Variants in GRIK2 observed in about 807,000 individuals in gnomAD.
The protein encoded by GRIK2 is glutamate receptor ionotropic, kainate 2.
GRIK2 carries 32 observed loss-of-function variants against 100.3 expected under a neutral mutation model. The observed-to-expected ratio is 0.32, with a 90% CI of 0.24 to 0.43. The LOEUF is 0.43. Ranked by LOEUF, GRIK2 falls within the 20% of genes least tolerant of loss-of-function variation. GRIK2 has a pLI of 1.00. For missense variants in GRIK2, 843 were observed against 1,114.9 expected (o/e 0.76, Z 3.47); for synonymous variants, 417 against 389.4 (o/e 1.07, Z -0.83).
chr6:101,996,838 C>A (rs943848800), intron 14 of GRIK2, among the ~76,000 whole-genome samples: 1 of 152,068 alleles, frequency 6.6e-6, no homozygotes, highest in African/African-American at 2.4e-5. Flanking sequence ...GTTTCCTCCA[C>A]CATTGGCCAA....
chr6:102,047,252 A>T (rs1562137290), intron 15 of GRIK2, among the ~76,000 whole-genome samples: 1 of 152,086 alleles, frequency 6.6e-6, no homozygotes, highest in Non-Finnish European at 1.5e-5. Flanking sequence ...CATAGGAAAA[A>T]AACCCAATAG....
Position 102,029,407 on chromosome 6 carries a change from A to G in GRIK2, c.2086-5934A>G, listed in dbSNP as rs561159486. 3.3e-3 allele frequency among the ~76,000 whole-genome samples: 497 copies of G among 151,356 alleles called. 2 individuals are homozygous for G. Among genetic ancestry groups the G allele is most frequent in the Non-Finnish European group, 5.8e-3 (390 of 67,468 alleles). On this transcript the variant is annotated intron_variant, in intron 14 of 16. Transcript: ENST00000369134. ...CTTTCTTCTATGTCAATTTGCATAC[A>G]ACTTTCATATTCAACATAGAAATAT... is the stretch of plus-strand genomic sequence containing the variant.
At chr6:101,668,206 C>G (rs567683737) in intron 4 of GRIK2, among the ~76,000 whole-genome samples, 11 of 152,072 alleles carry the variant, frequency 7.2e-5, no homozygotes, top group Non-Finnish European at 5.9e-5. Context: ...CTTTCATTTC[C>G]TTTTCTCTTC....
intron 2 of GRIK2, among the ~76,000 whole-genome samples, chr6:101,518,655 G>A (rs1258432109): frequency 6.6e-6 from 1 of 152,130 alleles, no homozygotes; most frequent in Admixed American, 6.6e-5. Flanking sequence ...AGCCAAATGT[G>A]TTTGAGAAAC....
At position 101,526,768 on chromosome 6, in the gene GRIK2, C is replaced by G. The variant is rs74806147; in HGVS notation, c.116-95181C>G. ...ACACAGGTTGTAGCATAAACTGATA[C>G]AAAGAAGTAAGTGGAATCACCCCCT... is the stretch of plus-strand genomic sequence containing the variant. On this transcript the variant is annotated intron_variant, in intron 2 of 16. Coordinates refer to ENST00000369134, the MANE Select transcript of GRIK2 (RefSeq NM_021956.5). Among the ~76,000 whole-genome samples the G allele has an allele frequency of 3.4e-3, 511 of 152,274 alleles. 3 individuals are homozygous for G. Among genetic ancestry groups the G allele is most frequent in the Non-Finnish European group, 6.4e-3 (435 of 68,012 alleles).
At chr6:102,011,653 G>A (rs1327348406) in intron 14 of GRIK2, among the ~76,000 whole-genome samples, 1 of 130,738 alleles carries the variant, frequency 7.6e-6, no homozygotes, top group Non-Finnish European at 1.5e-5. Context: ...GCGCGATCTC[G>A]GCTCACTGTA....
chr6:101,870,464 G>A (rs2153445), intron 11 of GRIK2, among the ~76,000 whole-genome samples: 106,704 of 151,582 alleles, frequency 0.7, 39,282 homozygotes, highest in East Asian at 0.92. Flanking sequence ...TACATGTTTT[G>A]TTTCCTCTGT....
chr6:101,519,300 CGTGTGTGTGTGTGT>C (rs55646921), intron 2 of GRIK2, among the ~76,000 whole-genome samples: 2,098 of 141,054 alleles, frequency 0.015, 46 homozygotes, highest in African/African-American at 0.049. Flanking sequence ...CGGAGTTAAA[CGTGTGTGTGTGTGT>C]GTGTGTGTGT....
Position 101,682,099 on chromosome 6 carries a change from T to C in GRIK2, c.724-454T>C, listed in dbSNP as rs145700056. ...TAATTTACATTTCCTTCATTAATGCTATGGAAATGTCTCTAAAGAGCTAAA... is the reference window on the plus strand; with the variant it reads ...TAATTTACATTTCCTTCATTAATGCCATGGAAATGTCTCTAAAGAGCTAAA... On this transcript the variant is annotated intron_variant, in intron 5 of 16. Coordinates refer to ENST00000369134, the MANE Select transcript of GRIK2 (RefSeq NM_021956.5). Among the ~76,000 whole-genome samples, 651 of 152,352 alleles carry C rather than the reference T, an allele frequency of 4.3e-3. 5 individuals carry two copies. Among genetic ancestry groups the C allele is most frequent in the Middle Eastern group, 0.01 (3 of 294 alleles).
At chr6:101,858,532 G>A (rs942830653) in intron 10 of GRIK2, among the ~76,000 whole-genome samples, 20 of 149,926 alleles carry the variant, frequency 1.3e-4, no homozygotes, top group African/African-American at 4.4e-4. Flanking sequence ...GACTACAGGC[G>A]CCCGCCACTA....
chr6:101,687,489 A>G (rs879493457), intron 7 of GRIK2, among the ~76,000 whole-genome samples: 1 of 151,918 alleles, frequency 6.6e-6, no homozygotes, highest in Non-Finnish European at 1.5e-5. Flanking sequence ...TTATGCTTGT[A>G]ATTTTTCCAT....
chr6:101,856,231 G>T (rs893928532), intron 10 of GRIK2, among the ~76,000 whole-genome samples: 2 of 152,130 alleles, frequency 1.3e-5, no homozygotes, highest in Admixed American at 1.3e-4. Flanking sequence ...AAAAGAAAGG[G>T]AAGCAAAGAT....
chr6:101,994,777 A>T (rs1414304127), intron 14 of GRIK2, among the ~76,000 whole-genome samples: 1 of 151,820 alleles, frequency 6.6e-6, no homozygotes, highest in African/African-American at 2.4e-5. Flanking sequence ...TAGCATCTTG[A>T]ATTGATAATT....
intron 12 of GRIK2, among the ~76,000 whole-genome samples, chr6:101,896,946 A>C (rs1311653668): frequency 6.6e-6 from 1 of 151,598 alleles, no homozygotes; most frequent in East Asian, 1.9e-4. Context: ...GCTACCAAAA[A>C]ATGGCACCTC....
rs1780724879 is a variant in GRIK2, at chr6:101,802,316, T to A, written c.1096-15T>A. The stretch of plus-strand genomic sequence containing the variant: ...TCTTCACTTATTTATTATCAATGTT[T>A]TTCTATTCCCATAGGCACATTGGGA... On this transcript the variant is annotated splice_polypyrimidine_tract_variant and intron_variant, in intron 8 of 16. Coordinates refer to ENST00000369134, the MANE Select transcript of GRIK2 (RefSeq NM_021956.5). The A allele has an allele frequency of 8.7e-7, 1 of 1,148,430 alleles. No homozygotes were observed. Among genetic ancestry groups the A allele is most frequent in the African/African-American group, 1.6e-5 (1 of 63,958 alleles). The allele number at this position is 1,148,430 out of a possible 1,614,324, so 71.1% of individuals were successfully genotyped here.
intron 2 of GRIK2, 37 bp from the exon 3 acceptor site, chr6:101,621,912 T>C (rs1009933991): frequency 7.0e-7 from 1 of 1,433,382 alleles, no homozygotes; most frequent in Middle Eastern, 1.8e-4. Flanking sequence ...ATGTTTATTC[T>C]TGTAAAATTT....
At chr6:102,064,156 C>A in intron 16 of GRIK2, 1 of 624,532 alleles carries the variant, frequency 1.6e-6, no homozygotes, top group Non-Finnish European at 2.9e-6. Context: ...TATTTAATGA[C>A]ACAGTGCGTG....
chr6:101,568,106 C>T (rs1777367956), intron 2 of GRIK2, among the ~76,000 whole-genome samples: 1 of 151,746 alleles, frequency 6.6e-6, no homozygotes, highest in Non-Finnish European at 1.5e-5. Context: ...AAAAGAAGTA[C>T]TTTTGTGTTT....
At position 101,547,753 on chromosome 6, in the gene GRIK2, TC is replaced by T. The variant is rs1355284410; in HGVS notation, c.116-74195del. Among the ~76,000 whole-genome samples the T allele has an allele frequency of 2.6e-4, 40 of 151,968 alleles. 1 individual carries two copies. In the South Asian group the frequency reaches 5.8e-3, roughly 22 times the overall value. On this transcript the variant is annotated intron_variant, in intron 2 of 16. Coordinates refer to ENST00000369134, the MANE Select transcript of GRIK2 (RefSeq NM_021956.5). ...ATTTGGGTTGGTTCCAAGTCTTTGC[TC>T]TTGTGAATAGTGCCGCAATAAACAT... is the stretch of plus-strand genomic sequence containing the variant.
Sources: allele counts gnomAD v4.1 joint callset (sites outside exome capture counted in the v4.1 genomes callset), GRCh38; gene constraint gnomAD v4.1.1; transcripts MANE v1.5; gene names NCBI Gene and HGNC (gene_info 2026-07-23, HGNC 2026-07-21).